The following MYO16 variants were observed in gnomAD, a reference collection of about 807,000 sequenced individuals.
The protein encoded by MYO16 is unconventional myosin-XVI.
In MYO16, 94 loss-of-function variants were observed where a neutral mutation model predicts 205.3. That is an observed-to-expected ratio of 0.46 (90% CI 0.39 to 0.54). The LOEUF is 0.54. Among genes scored for constraint, MYO16 ranks in the 20% least tolerant of loss-of-function variants. MYO16 has a pLI of 0.00. For missense variants in MYO16, 2,315 were observed against 2,387.5 expected, an observed-to-expected ratio of 0.97 and a Z score of 0.63; for synonymous variants, 988 against 954.0, an observed-to-expected ratio of 1.04 and a Z score of -0.66.
chr13:108,763,247 G>T (rs1327312038), intron 4 of MYO16, among the ~76,000 whole-genome samples: 1 of 152,116 alleles, frequency 6.6e-6, no homozygotes, highest in Non-Finnish European at 1.5e-5. Flanking sequence ...TCATGGAATG[G>T]TATATACTCA....
rs374173939 is a variant in MYO16, at chr13:108,785,724, G to A, written c.597G>A (p.Leu199=). ...GGACAGAATCCAGCTCTATCCTGTTGACCTATCTGGATGAAAATGGTAGGC... is the reference window on the plus strand; with the variant it reads ...GGACAGAATCCAGCTCTATCCTGTTAACCTATCTGGATGAAAATGGTAGGC... ...VEGTESSSIL[L]TYLDENGVDL... is the part of the protein sequence containing the mutation. Residue 199 remains leucine (L), a synonymous_variant, in exon 5 of 35, where the codon TTG becomes TTA. Transcript: ENST00000457511. The A allele has an allele frequency of 7.5e-6, 12 of 1,606,248 alleles. No homozygotes were observed. The African/African-American group carries it at 1.5e-4, about 20-fold the overall frequency.
intron 13 of MYO16, among the ~76,000 whole-genome samples, chr13:108,887,967 C>T (rs1164175383): frequency 6.6e-6 from 1 of 152,020 alleles, no homozygotes; most frequent in Admixed American, 6.6e-5. Context: ...GATCGCCTCA[C>T]TTTATGTTGA....
chr13:109,178,402 G>A (rs534169583), intron 33 of MYO16, among the ~76,000 whole-genome samples: 32 of 152,166 alleles, frequency 2.1e-4, no homozygotes, highest in Non-Finnish European at 4.0e-4. Flanking sequence ...TGTGTTGACA[G>A]GATTGTGTCG....
the MYO16 span, among the ~76,000 whole-genome samples, chr13:108,516,746 TG>T: frequency 2.6e-5 from 4 of 152,198 alleles, no homozygotes. Context: ...GCTATCATTT[TG>T]TTTTGTGTGA....
chr13:109,158,905 A>G (rs1271049681), intron 32 of MYO16, among the ~76,000 whole-genome samples: 1 of 152,192 alleles, frequency 6.6e-6, no homozygotes, highest in African/African-American at 2.4e-5. Flanking sequence ...ATAGGGGTGC[A>G]TGGAAGCCCC....
At chr13:108,585,109 G>C in the MYO16 span, among the ~76,000 whole-genome samples, 1 of 152,118 alleles carries the variant, frequency 6.6e-6, no homozygotes, top group Non-Finnish European at 1.5e-5. Context: ...TGACGAAAGA[G>C]TCAAACTCTG....
chr13:108,738,776 C>G (rs994490286), intron 4 of MYO16, among the ~76,000 whole-genome samples: 3 of 152,128 alleles, frequency 2.0e-5, no homozygotes, highest in African/African-American at 7.2e-5. Flanking sequence ...AAGTCTAAGT[C>G]TCTTTATAAG....
intron 19 of MYO16, among the ~76,000 whole-genome samples, chr13:108,964,229 G>T (rs1217050505): frequency 6.6e-6 from 1 of 152,060 alleles, no homozygotes; most frequent in Non-Finnish European, 1.5e-5. Flanking sequence ...CTCTATTCTA[G>T]TCCCTTCCCC....
At chr13:108,933,368 A>G (rs907453388) in intron 16 of MYO16, among the ~76,000 whole-genome samples, 6 of 152,184 alleles carry the variant, frequency 3.9e-5, no homozygotes, top group Admixed American at 3.9e-4. Flanking sequence ...TTCTTTCCTA[A>G]TAATATATTT....
chr13:108,814,120 G>A (rs573935541), intron 7 of MYO16, among the ~76,000 whole-genome samples: 3 of 152,206 alleles, frequency 2.0e-5, no homozygotes, highest in South Asian at 2.1e-4. Context: ...AATGCTTTCC[G>A]CAGTTGAAGC....
chr13:108,739,929 G>A (rs1277407238), intron 4 of MYO16, among the ~76,000 whole-genome samples: 7 of 152,070 alleles, frequency 4.6e-5, no homozygotes, highest in African/African-American at 1.4e-4. Context: ...TGATCAAATC[G>A]GTTACTGAAG....
chr13:108,737,138 C>T (rs1261451970), intron 4 of MYO16, among the ~76,000 whole-genome samples: 1 of 152,068 alleles, frequency 6.6e-6, no homozygotes, highest in Admixed American at 6.6e-5. Context: ...TTTCTTTCTC[C>T]TGCCTGATTG....
chr13:108,716,334 A>G lies in MYO16; in HGVS notation c.363+3603A>G, dbSNP rs545878451. On this transcript the variant is annotated intron_variant, in intron 3 of 34. Coordinates refer to ENST00000457511, the MANE Select transcript of MYO16 (RefSeq NM_001198950.3). Reference sequence around the variant, plus strand: ...GGAAATGAGAAGGTTAAACTGATGAAGTAGATGGAAGCCACTTTATTAACT... The same window carrying G: ...GGAAATGAGAAGGTTAAACTGATGAGGTAGATGGAAGCCACTTTATTAACT... 2.0e-5 allele frequency among the ~76,000 whole-genome samples: 3 copies of G among 152,294 alleles called. No homozygotes were observed. The South Asian group carries it at 6.2e-4, about 32-fold the overall frequency.
At chr13:108,502,755 G>A in the MYO16 span, among the ~76,000 whole-genome samples, 1 of 152,148 alleles carries the variant, frequency 6.6e-6, no homozygotes, top group Non-Finnish European at 1.5e-5. Context: ...AAGCAGCTGA[G>A]TAATATGTGG....
chr13:109,001,638 G>A (rs1041161349), intron 21 of MYO16, among the ~76,000 whole-genome samples: 2 of 152,148 alleles, frequency 1.3e-5, no homozygotes, highest in African/African-American at 4.8e-5. Flanking sequence ...CCGTTTCATA[G>A]GCAATATATG....
intron 1 of MYO16, among the ~76,000 whole-genome samples, chr13:108,650,413 T>A (rs955399040): frequency 1.3e-5 from 2 of 152,124 alleles, no homozygotes; most frequent in Non-Finnish European, 2.9e-5. Context: ...TAGGAGGGAA[T>A]CCTGTCTGAG....
chr13:108,890,379 A>C (rs1290667510), intron 14 of MYO16, among the ~76,000 whole-genome samples: 1 of 152,004 alleles, frequency 6.6e-6, no homozygotes. Flanking sequence ...AGACTGTTCT[A>C]AGTTGCTCTC....
chr13:108,495,807 C>T, the MYO16 span, among the ~76,000 whole-genome samples: 1 of 151,524 alleles, frequency 6.6e-6, no homozygotes, highest in Admixed American at 6.6e-5. Context: ...GCGCCGGCCC[C>T]GGGCACAGGG....
At chr13:108,630,000 TAGA>T in intron 1 of MYO16, 128 bp downstream of exon 1, 1 of 664,114 alleles carries the variant, frequency 1.5e-6, no homozygotes, top group South Asian at 2.9e-5. Context: ...ACTGGTGACT[TAGA>T]AGAATATTTT....
Sources: gnomAD v4.1 joint callset for allele counts (sites outside exome capture counted in the v4.1 genomes callset) on GRCh38, gnomAD v4.1.1 for gene constraint, MANE v1.5 for transcripts, NCBI Gene and HGNC (gene_info 2026-07-23, HGNC 2026-07-21) for gene names.